CDH12: variants seen among roughly 807,000 people sequenced by gnomAD.
The protein encoded by CDH12 is cadherin 12.
In CDH12, 41 loss-of-function variants were observed where a neutral mutation model predicts 74.1. The ratio of observed to expected loss-of-function variants is 0.55; its 90% CI spans 0.43 to 0.72. CDH12 has a LOEUF of 0.72. Among genes scored for constraint, CDH12 ranks in the 30% least tolerant of loss-of-function variants. The pLI is 0.00. For missense variants in CDH12, 945 were observed against 977.2 expected, an observed-to-expected ratio of 0.97 and a Z score of 0.44; for synonymous variants, 399 against 355.0, an observed-to-expected ratio of 1.12 and a Z score of -1.39.
At chr5:22,817,565 T>C (rs1288168355) in intron 1 of CDH12, among the ~76,000 whole-genome samples, 3 of 152,162 alleles carry the variant, frequency 2.0e-5, no homozygotes, top group Non-Finnish European at 1.5e-5. Flanking sequence ...CATATTCATT[T>C]AATTTCTATA....
intron 1 of CDH12, among the ~76,000 whole-genome samples, chr5:22,644,074 C>T (rs1223864938): frequency 6.6e-6 from 1 of 151,968 alleles, no homozygotes; most frequent in Non-Finnish European, 1.5e-5. Context: ...TTCCTCTCCT[C>T]GGTGCTCCGT....
chr5:22,027,114 A>AT (rs1738415006), intron 5 of CDH12, among the ~76,000 whole-genome samples: 1 of 152,116 alleles, frequency 6.6e-6, no homozygotes, highest in South Asian at 2.1e-4. Flanking sequence ...GCTGGATTAC[A>AT]TTTTTTGATT....
chr5:22,080,905 G>A (rs149629365), intron 4 of CDH12, among the ~76,000 whole-genome samples: 8 of 151,754 alleles, frequency 5.3e-5, no homozygotes, highest in African/African-American at 1.4e-4. Context: ...TCAGCCTCCC[G>A]AGTAGCTGGG....
intron 4 of CDH12, among the ~76,000 whole-genome samples, chr5:22,202,145 A>AC (rs1750956572): frequency 2.4e-5 from 2 of 82,852 alleles, no homozygotes; most frequent in African/African-American, 1.0e-4. Flanking sequence ...CTCCCTCCCT[A>AC]CTTTCCTTCC....
At chr5:21,803,135 G>T (rs1214638516) in intron 9 of CDH12, among the ~76,000 whole-genome samples, 1 of 151,984 alleles carries the variant, frequency 6.6e-6, no homozygotes, top group African/African-American at 2.4e-5. Flanking sequence ...AATGAAATAG[G>T]ATCATTGAAG....
chr5:21,785,940 G>C (rs867043073), intron 10 of CDH12, among the ~76,000 whole-genome samples: 1 of 152,170 alleles, frequency 6.6e-6, no homozygotes, highest in Admixed American at 6.5e-5. Context: ...CTCAAAGCTA[G>C]AGAGAAGTCA....
At chr5:22,410,912 G>A (rs1164070954) in intron 2 of CDH12, among the ~76,000 whole-genome samples, 3 of 151,972 alleles carry the variant, frequency 2.0e-5, no homozygotes, top group African/African-American at 7.2e-5. Flanking sequence ...AGAAATCTGT[G>A]TTTCCAGTTG....
At chr5:22,814,772 A>G (rs965361049) in intron 1 of CDH12, among the ~76,000 whole-genome samples, 1 of 152,202 alleles carries the variant, frequency 6.6e-6, no homozygotes, top group Non-Finnish European at 1.5e-5. Flanking sequence ...CAGAGATGTC[A>G]TATGTAATTT....
In CDH12 at chr5:22,361,978, T is replaced by C. The variant is rs1234929591; in HGVS notation, c.-333+43279A>G. Among the ~76,000 whole-genome samples, 9 of 152,132 alleles carry C rather than the reference T, an allele frequency of 5.9e-5. 1 individual carries two copies. Among genetic ancestry groups the C allele is most frequent in the Admixed American group, 1.3e-4 (2 of 15,262 alleles). On this transcript the variant is annotated intron_variant, in intron 3 of 14. Coordinates refer to ENST00000382254, the MANE Select transcript of CDH12 (RefSeq NM_004061.5). ...GTTAGACCTAAAACCATAAAAACCC[T>C]AGAAGAAAACCTAAGCAATACCATT... is the stretch of plus-strand genomic sequence containing the variant.
chr5:22,387,175 T>G (rs1374286032), intron 3 of CDH12, among the ~76,000 whole-genome samples: 1 of 151,996 alleles, frequency 6.6e-6, no homozygotes, highest in Non-Finnish European at 1.5e-5. Flanking sequence ...TATAAACTCT[T>G]TGAACTTCTA....
At chr5:22,209,927 A>G (rs1751434943) in intron 4 of CDH12, among the ~76,000 whole-genome samples, 1 of 151,982 alleles carries the variant, frequency 6.6e-6, no homozygotes, top group Non-Finnish European at 1.5e-5. Context: ...TCTGAATTTG[A>G]GTTATAGGTT....
Position 21,816,975 on chromosome 5 carries a change from A to G in CDH12, c.972T>C (p.Asp324=). The change falls in exon 9 of 15, where the codon GAT becomes GAC. Residue 324 remains aspartate, a synonymous_variant. Transcript: ENST00000382254. ...GNLFDIVTDE[D]TQEGVIKLKK... is the part of the protein sequence containing the mutation. ...TCAATTTGATGACTCCCTCTTGTGT[A>G]TCCTCATCTGTGACGATGTCAAACA... 6.2e-7 allele frequency: 1 copy of G among 1,611,950 alleles called. No homozygotes were observed. The highest frequency in any genetic ancestry group is 8.5e-7 in the Non-Finnish European group (1 of 1,178,698).
intron 1 of CDH12, among the ~76,000 whole-genome samples, chr5:22,820,871 C>T (rs1366288225): frequency 6.6e-6 from 1 of 152,084 alleles, no homozygotes; most frequent in African/African-American, 2.4e-5. Flanking sequence ...GGAATCCTCC[C>T]TAACTCATTT....
chr5:22,435,496 ATATGTGTG>A (rs1186165050), intron 2 of CDH12, among the ~76,000 whole-genome samples: 2 of 66,670 alleles, frequency 3.0e-5, no homozygotes, highest in African/African-American at 6.7e-5. Flanking sequence ...ATGTGTATAT[ATATGTGTG>A]TGTGTGTGTG....
intron 3 of CDH12, among the ~76,000 whole-genome samples, chr5:22,231,825 G>T (rs925439608): frequency 6.6e-6 from 1 of 151,808 alleles, no homozygotes; most frequent in Non-Finnish European, 1.5e-5. Flanking sequence ...CATTATGAAT[G>T]AATTATCTAT....
chr5:21,886,334 C>A (rs1752628061), intron 6 of CDH12, among the ~76,000 whole-genome samples: 1 of 151,582 alleles, frequency 6.6e-6, no homozygotes, highest in Admixed American at 6.6e-5. Context: ...AACTGGTAAT[C>A]TGTAGCTTGT....
intron 1 of CDH12, among the ~76,000 whole-genome samples, chr5:22,658,361 A>G (rs1368440502): frequency 6.6e-6 from 1 of 152,166 alleles, no homozygotes; most frequent in African/African-American, 2.4e-5. Flanking sequence ...ACTTATCTGT[A>G]TATTCATTCT....
chr5:22,079,362 A>T (rs1375871743), intron 4 of CDH12, among the ~76,000 whole-genome samples: 1 of 152,174 alleles, frequency 6.6e-6, no homozygotes, highest in Non-Finnish European at 1.5e-5. Flanking sequence ...ACATTGCCAT[A>T]TATCCCCTAG....
chr5:22,441,700 G>C (rs1393615171), intron 2 of CDH12, among the ~76,000 whole-genome samples: 2 of 151,982 alleles, frequency 1.3e-5, no homozygotes, highest in African/African-American at 4.8e-5. Flanking sequence ...TATTTGTTTT[G>C]TTAATATTAT....
Sources: gnomAD v4.1 joint callset for allele counts (sites outside exome capture counted in the v4.1 genomes callset) on GRCh38, gnomAD v4.1.1 for gene constraint, MANE v1.5 for transcripts, NCBI Gene and HGNC (gene_info 2026-07-23, HGNC 2026-07-21) for gene names.